The following USP40 variants were observed in gnomAD, a reference collection of about 807,000 sequenced individuals.
USP40 encodes the protein ubiquitin carboxyl-terminal hydrolase 40.
In USP40, 143 loss-of-function variants were observed where a neutral mutation model predicts 166.2. The observed-to-expected ratio is 0.86, with a 90% confidence interval of 0.75 to 0.99. The LOEUF (loss-of-function observed/expected upper bound fraction) is 0.99, where lower values mean the gene tolerates loss of function less well. USP40 is among the 50% of genes least tolerant of loss of function. USP40 has a pLI of 0.00. For synonymous variants in USP40, 498 were observed against 524.0 expected (o/e 0.95, Z 0.68); for missense variants, 1,444 against 1,479.7 (o/e 0.98, Z 0.40).
chr2:233,540,195 G>C (rs1006731405), intron 10 of USP40, among the ~76,000 whole-genome samples: 1 of 148,400 alleles, frequency 6.7e-6, no homozygotes, highest in Non-Finnish European at 1.5e-5. Context: ...GATGAAAAAA[G>C]GTGAGAAAAT....
At position 233,517,379 on chromosome 2, in the gene USP40, G is replaced by GTTTTTTTTTTTTT. The variant is rs202226925; in HGVS notation, c.2383+2234_2383+2235insAAAAAAAAAAAAA. 1.2e-4 allele frequency among the ~76,000 whole-genome samples: 16 copies of GTTTTTTTTTTTTT among 137,130 alleles called. 4 individuals carry two copies. Among genetic ancestry groups the GTTTTTTTTTTTTT allele is most frequent in the Non-Finnish European group, 2.0e-4 (13 of 64,774 alleles). The allele number at this position is 137,130 out of a possible 152,430, so 90.0% of individuals were successfully genotyped here. A position where few individuals can be genotyped will look rare whatever the true frequency, so the allele number is the denominator to read the frequency against. On this transcript the variant is annotated intron_variant, in intron 18 of 31. Transcript: ENST00000678225. ...CAAAAAAGATACTTGCACATGCATGGTTTTTTGTTTTTTTTTTTTTTTTGA... is the reference window on the plus strand; with the variant it reads ...CAAAAAAGATACTTGCACATGCATGGTTTTTTTTTTTTTTTTTTTGTTTTTTTTTTTTTTTTGA...
chr2:233,481,588 C>G (rs1041035472), intron 30 of USP40: 2 of 429,214 alleles, frequency 4.7e-6, no homozygotes, highest in African/African-American at 4.0e-5. Context: ...GGCTACCAGG[C>G]AACATGAAGA....
intron 21 of USP40, 137 bp downstream of exon 21, chr2:233,509,912 A>C (rs1316752565): frequency 1.1e-5 from 7 of 617,920 alleles, no homozygotes; most frequent in Admixed American, 3.3e-5. Flanking sequence ...TCCTCTAGTG[A>C]GTACATATAA....
At chr2:233,563,641 G>C (rs1437952500) in intron 2 of USP40, among the ~76,000 whole-genome samples, 1 of 152,100 alleles carries the variant, frequency 6.6e-6, no homozygotes, top group East Asian at 1.9e-4. Flanking sequence ...ACATTGTAAT[G>C]GAGTACAATG....
At chr2:233,538,708 G>A (rs957225639) in intron 10 of USP40, among the ~76,000 whole-genome samples, 1 of 152,104 alleles carries the variant, frequency 6.6e-6, no homozygotes, top group Non-Finnish European at 1.5e-5. Context: ...TCAAGGCAAG[G>A]GATATTAGCA....
intron 12 of USP40, among the ~76,000 whole-genome samples, chr2:233,528,723 C>G (rs2068251713): frequency 6.6e-6 from 1 of 151,890 alleles, no homozygotes; most frequent in Non-Finnish European, 1.5e-5. Context: ...TTTTTTCCCC[C>G]AGCTCCAAGC....
chr2:233,525,500 A>C lies in USP40; in HGVS notation c.1788T>G (p.Leu596=). 1.2e-6 allele frequency: 2 copies of C among 1,613,126 alleles called. No individual in the cohort carries two copies. The highest frequency in any genetic ancestry group is 1.1e-5 in the South Asian group (1 of 90,882). The change falls in exon 14 of 32, where the codon CTT becomes CTG. Residue 596 remains leucine, a synonymous_variant. Coordinates refer to ENST00000678225, the MANE Select transcript of USP40 (RefSeq NM_001365479.2). ...TACCGCCAAGTGACTGGTAAATGTG[A>C]AGTCCTGCTGGTACAAGCTTTGCAA... ...LSVAKLVPAG[L]HIYQSLGGDE...
intron 15 of USP40, among the ~76,000 whole-genome samples, chr2:233,524,238 G>A (rs1290047972): frequency 1.3e-5 from 2 of 151,864 alleles, no homozygotes; most frequent in Non-Finnish European, 1.5e-5. Flanking sequence ...CAAGCGATTC[G>A]CCTGCCTCAG....
chr2:233,489,225 A>T (rs2065145757), intron 27 of USP40, 140 bp downstream of exon 27: 1 of 763,870 alleles, frequency 1.3e-6, no homozygotes, highest in Non-Finnish European at 2.2e-6. Flanking sequence ...GAAAAGTGTC[A>T]CCCAAGTCAC....
chr2:233,525,344 C>G, intron 14 of USP40, 134 bp downstream of exon 14: 1 of 522,230 alleles, frequency 1.9e-6, no homozygotes, highest in South Asian at 4.2e-5. Flanking sequence ...GGAAAACTTA[C>G]AGTGTGAAGA....
Position 233,480,200 on chromosome 2 carries a change from G to A in USP40, c.3599+1003C>T, listed in dbSNP as rs1341456399. ...AGAGGGCATGCAGTCCCTGGCACACGGGCAGCCAAGATACTGAGGGGCAGA... is the reference window on the plus strand; with the variant it reads ...AGAGGGCATGCAGTCCCTGGCACACAGGCAGCCAAGATACTGAGGGGCAGA... On this transcript the variant is annotated intron_variant, in intron 31 of 31. Coordinates refer to ENST00000678225, the MANE Select transcript of USP40 (RefSeq NM_001365479.2). The surrounding 1 kb of genome is among the most constrained non-coding windows in gnomAD (Gnocchi z 4.5). 6.6e-6 allele frequency among the ~76,000 whole-genome samples: 1 copy of A among 152,160 alleles called. No individual in the cohort carries two copies. The highest frequency in any genetic ancestry group is 1.5e-5 in the Non-Finnish European group (1 of 68,040).
intron 11 of USP40, among the ~76,000 whole-genome samples, chr2:233,529,855 T>A (rs929332195): frequency 1.4e-5 from 2 of 138,086 alleles, no homozygotes; most frequent in African/African-American, 5.5e-5. Flanking sequence ...TCGCCCAGGC[T>A]GGAGTGCAGT....
intron 18 of USP40, among the ~76,000 whole-genome samples, chr2:233,514,329 T>C (rs951977021): frequency 6.6e-6 from 1 of 152,158 alleles, no homozygotes; most frequent in African/African-American, 2.4e-5. Context: ...TGGGACTGTG[T>C]GGTCAGGGAT....
intron 14 of USP40, 105 bp from the exon 15 acceptor site, chr2:233,524,667 G>A: frequency 1.2e-6 from 1 of 805,962 alleles, no homozygotes; most frequent in Non-Finnish European, 1.8e-6. Context: ...TTTTCACTAA[G>A]GAAAATTTAA....
At chr2:233,524,960 G>T (rs2067913236) in intron 14 of USP40, among the ~76,000 whole-genome samples, 1 of 152,198 alleles carries the variant, frequency 6.6e-6, no homozygotes, top group Admixed American at 6.5e-5. Context: ...TGAAAATCAA[G>T]TGAGATAATT....
In USP40 at chr2:233,560,297, A is replaced by T. The variant is rs1287048652; in HGVS notation, c.268-373T>A. ...TCCCCTCTGTAGAAATTTTCCAGGC[A>T]CAATACTGTATCTCGCTCTGGAGTT... On this transcript the variant is annotated intron_variant, in intron 3 of 31. Transcript: ENST00000678225. 4.6e-5 allele frequency among the ~76,000 whole-genome samples: 7 copies of T among 152,276 alleles called. No individual in the cohort carries two copies. In the East Asian group the frequency reaches 1.4e-3, roughly 29 times the overall value.
At chr2:233,550,955 G>C (rs2070490821) in intron 7 of USP40, among the ~76,000 whole-genome samples, 1 of 152,126 alleles carries the variant, frequency 6.6e-6, no homozygotes, top group Non-Finnish European at 1.5e-5. Context: ...TTCTAATTTT[G>C]TTCTTAAATT....
chr2:233,527,902 T>A (rs578118141), intron 12 of USP40, among the ~76,000 whole-genome samples: 66 of 152,154 alleles, frequency 4.3e-4, no homozygotes, highest in African/African-American at 1.6e-3. Flanking sequence ...CCTGCTTACA[T>A]CATTATGTTA....
At chr2:233,564,779 C>T (rs2071986793) in intron 2 of USP40, among the ~76,000 whole-genome samples, 1 of 152,126 alleles carries the variant, frequency 6.6e-6, no homozygotes, top group African/African-American at 2.4e-5. Context: ...ATTAATATTC[C>T]TGTAATGAAT....
Sources: gnomAD v4.1 joint callset for allele counts (sites outside exome capture counted in the v4.1 genomes callset) on GRCh38, gnomAD v4.1.1 for gene constraint, Gnocchi (gnomAD v3.1) non-coding constraint, MANE v1.5 for transcripts, NCBI Gene and HGNC (gene_info 2026-07-23, HGNC 2026-07-21) for gene names.